Variants in FBXW11 observed in about 807,000 individuals in gnomAD.
FBXW11 encodes the protein F-box/WD repeat-containing protein 11.
Under a neutral mutation model 77.6 loss-of-function variants are expected in FBXW11, and 19 were observed. That is an observed-to-expected ratio of 0.24 (90% CI 0.17 to 0.36). The LOEUF is 0.36. FBXW11 is among the 10% of genes least tolerant of loss of function. FBXW11 has a pLI of 1.00. For missense variants in FBXW11, 334 were observed against 704.2 expected, an observed-to-expected ratio of 0.47 and a Z score of 5.95; for synonymous variants, 235 against 249.4, an observed-to-expected ratio of 0.94 and a Z score of 0.54.
chr5:172,006,560 A>AGGAGGCGACGGC lies in FBXW11; in HGVS notation c.-70_-59dup, dbSNP rs1161464743. ...GCGCAGCAGCGAACGGCCCGGGCGG[A>AGGAGGCGACGGC]GGAGGCGACGGCGGAGGCGGCAGAG... On this transcript the variant is annotated 5_prime_UTR_variant, in exon 1 of 14. Coordinates refer to ENST00000517395, the MANE Select transcript of FBXW11 (RefSeq NM_001378974.1). 3.4e-6 allele frequency: 5 copies of AGGAGGCGACGGC among 1,454,068 alleles called. No homozygotes were observed. Among genetic ancestry groups the AGGAGGCGACGGC allele is most frequent in the Middle Eastern group, 1.8e-4 (1 of 5,582 alleles). 90.1% of individuals were successfully genotyped at this position (1,454,068 alleles called of 1,614,324 possible).
chr5:171,891,392 G>C, intron 7 of FBXW11, 75 bp downstream of exon 7: 1 of 1,370,120 alleles, frequency 7.3e-7, no homozygotes, highest in Non-Finnish European at 9.8e-7. Flanking sequence ...AGAGTAAATG[G>C]AAAGATTGTC....
chr5:171,888,296 A>G (rs1759052971), intron 7 of FBXW11, among the ~76,000 whole-genome samples: 1 of 152,220 alleles, frequency 6.6e-6, no homozygotes, highest in African/African-American at 2.4e-5. Context: ...AAAGAACCCA[A>G]ACAACACATG....
chr5:171,965,311 T>C (rs1311851319), intron 1 of FBXW11, among the ~76,000 whole-genome samples: 1 of 152,136 alleles, frequency 6.6e-6, no homozygotes, highest in Non-Finnish European at 1.5e-5. Flanking sequence ...GATTACTTGA[T>C]GTCAGGAGTT....
Position 171,904,565 on chromosome 5 carries a change from T to C in FBXW11, c.437-4465A>G, listed in dbSNP as rs1383475068. Among the ~76,000 whole-genome samples the C allele has an allele frequency of 6.6e-6, 1 of 151,944 alleles. No homozygotes were observed. The highest frequency in any genetic ancestry group is 1.9e-4 in the East Asian group (1 of 5,188). On this transcript the variant is annotated intron_variant, in intron 4 of 13. Transcript: ENST00000517395. This position sits in a 1 kb window ranked among gnomAD's most constrained non-coding sequence, Gnocchi z 4.0. Reference sequence around the variant, plus strand: ...GTAAGGCCCAGGAATCTGGGTGTGGTTTTTTTGTTGTTGTTGTTGTTTTTG... The same window carrying C: ...GTAAGGCCCAGGAATCTGGGTGTGGCTTTTTTGTTGTTGTTGTTGTTTTTG...
intron 2 of FBXW11, among the ~76,000 whole-genome samples, chr5:171,915,119 TC>T (rs1311122776): frequency 6.6e-6 from 1 of 152,160 alleles, no homozygotes; most frequent in African/African-American, 2.4e-5. Flanking sequence ...CTTTTGAAGC[TC>T]CCACCTAATG....
chr5:171,963,893 G>C (rs1357668441), intron 1 of FBXW11, among the ~76,000 whole-genome samples: 1 of 152,140 alleles, frequency 6.6e-6, no homozygotes, highest in Non-Finnish European at 1.5e-5. Context: ...AACCAAGGAT[G>C]TTTTTATAGA....
chr5:171,999,856 A>G (rs1766306443), intron 1 of FBXW11, among the ~76,000 whole-genome samples: 1 of 152,016 alleles, frequency 6.6e-6, no homozygotes, highest in Admixed American at 6.6e-5. Flanking sequence ...TTAATGTCCC[A>G]GTGTTTATAC....
At chr5:171,887,448 A>G (rs947995217) in intron 7 of FBXW11, among the ~76,000 whole-genome samples, 1 of 152,138 alleles carries the variant, frequency 6.6e-6, no homozygotes, top group Non-Finnish European at 1.5e-5. Context: ...AAATAGAACA[A>G]TAACAGAAAA....
At chr5:171,969,129 G>A (rs1199322124) in intron 1 of FBXW11, among the ~76,000 whole-genome samples, 2 of 152,136 alleles carry the variant, frequency 1.3e-5, no homozygotes, top group Non-Finnish European at 2.9e-5. Context: ...TTAGCCAGGC[G>A]TGGTGGCACA....
rs571803602 is a variant in FBXW11 at position 171,875,493 on chromosome 5, G to A, written c.1221+792C>T. Among the ~76,000 whole-genome samples the A allele has an allele frequency of 5.3e-5, 8 of 152,274 alleles. No individual in the cohort carries two copies. The East Asian group carries it at 5.8e-4, about 11-fold the overall frequency. Reference sequence around the variant, plus strand: ...CTAATGAGTGTGAGGGTTTTAGAGCGCGATGAAAATGTTCTGGAACTAGAC... The same window carrying A: ...CTAATGAGTGTGAGGGTTTTAGAGCACGATGAAAATGTTCTGGAACTAGAC... On this transcript the variant is annotated intron_variant, in intron 9 of 13. Transcript: ENST00000517395.
chr5:171,975,327 G>C (rs1016920361), intron 1 of FBXW11, among the ~76,000 whole-genome samples: 31 of 152,202 alleles, frequency 2.0e-4, no homozygotes, highest in African/African-American at 7.2e-4. Flanking sequence ...AGTTTAGGCA[G>C]AGGCAGTCAA....
chr5:171,963,514 ACT>A lies in FBXW11; in HGVS notation c.46-5818_46-5817del, dbSNP rs1464740924. ...AATCCCGTAGAACAACAGGTCTTAA[ACT>A]CTGTGCTACAGCCCATCAGTAGTTG... On this transcript the variant is annotated intron_variant, in intron 1 of 13. Coordinates refer to ENST00000517395, the MANE Select transcript of FBXW11 (RefSeq NM_001378974.1). 3.9e-5 allele frequency among the ~76,000 whole-genome samples: 6 copies of A among 152,218 alleles called. No individual in the cohort carries two copies. In the East Asian group the frequency reaches 1.2e-3, roughly 29 times the overall value.
At chr5:171,959,615 A>G (rs979267103) in intron 1 of FBXW11, among the ~76,000 whole-genome samples, 68 of 152,182 alleles carry the variant, frequency 4.5e-4, no homozygotes, top group African/African-American at 1.6e-3. Flanking sequence ...TGGGAAGCCA[A>G]GGTGGTCAGA....
chr5:171,953,195 TA>T (rs1165433869), intron 2 of FBXW11, among the ~76,000 whole-genome samples: 3 of 152,150 alleles, frequency 2.0e-5, no homozygotes, highest in Non-Finnish European at 4.4e-5. Context: ...AGGGCCTTGC[TA>T]TGTTGCGAAG....
chr5:171,900,149 T>C (rs1311261614), intron 4 of FBXW11, 49 bp from the exon 5 acceptor site: 1 of 1,457,450 alleles, frequency 6.9e-7, no homozygotes, highest in Non-Finnish European at 9.3e-7. Context: ...GATAGAAAGG[T>C]ACCAGCCATC....
In FBXW11 at chr5:171,899,054, G is replaced by A. The variant is rs775897910; in HGVS notation, c.664C>T (p.Pro222Ser). ...LFKNRPTDGP[P>S]NSFYRSLYPK... is the part of the protein sequence containing the mutation. ...TATAATGACCTATAAAATGAATTTGGAGGGCCATCTGTGGGTCTGTTTTTA... is the reference window on the plus strand; with the variant it reads ...TATAATGACCTATAAAATGAATTTGAAGGGCCATCTGTGGGTCTGTTTTTA... Residue 222 changes from proline to serine, a missense_variant, in exon 6 of 14, where the codon CCA becomes TCA. Physicochemically the swap from Pro to Ser is moderately conservative, Grantham distance 74 (BLOSUM62 -1). Coordinates refer to ENST00000517395, the MANE Select transcript of FBXW11 (RefSeq NM_001378974.1). The A allele has an allele frequency of 1.9e-6, 3 of 1,609,302 alleles. No homozygotes were observed. The Admixed American group carries it at 5.1e-5, about 27-fold the overall frequency.
intron 1 of FBXW11, among the ~76,000 whole-genome samples, chr5:172,002,585 C>A (rs1216605747): frequency 2.0e-5 from 3 of 150,658 alleles, no homozygotes; most frequent in South Asian, 2.1e-4. Context: ...CACTAAACAA[C>A]CCCACTCACC....
At chr5:171,868,870 A>G (rs1482944973) in intron 12 of FBXW11, 74 bp from the exon 13 acceptor site, 9 of 1,407,798 alleles carry the variant, frequency 6.4e-6, no homozygotes, top group Non-Finnish European at 7.7e-6. Flanking sequence ...GAAACTGGGC[A>G]GAAGATGAAA....
rs1169139953 is a variant in FBXW11 at position 171,869,302 on chromosome 5, A to C, written c.1530+427T>G. ...AATAAAACTACTAAAATCTTTTTTA[A>C]ATCTACCAATATTTCCAAATGACTA... is the stretch of plus-strand genomic sequence containing the variant. On this transcript the variant is annotated intron_variant, in intron 12 of 13. Transcript: ENST00000517395. This position sits in a 1 kb window ranked among gnomAD's most constrained non-coding sequence, Gnocchi z 4.1. 7.2e-5 allele frequency among the ~76,000 whole-genome samples: 11 copies of C among 152,352 alleles called. No homozygotes were observed. The highest frequency in any genetic ancestry group is 2.1e-4 in the South Asian group (1 of 4,834).
Sources: allele counts gnomAD v4.1 joint callset (sites outside exome capture counted in the v4.1 genomes callset), GRCh38; gene constraint gnomAD v4.1.1; non-coding constraint Gnocchi (gnomAD v3.1); transcripts MANE v1.5; gene names NCBI Gene and HGNC (gene_info 2026-07-23, HGNC 2026-07-21).